The following TMEM132C variants were observed in gnomAD, a reference collection of about 807,000 sequenced individuals.
TMEM132C encodes protein phosphatase 1, regulatory subunit 152.
TMEM132C carries 29 observed loss-of-function variants against 61.4 expected under a neutral mutation model. That is an observed-to-expected ratio of 0.47 (90% CI 0.35 to 0.64). The LOEUF (loss-of-function observed/expected upper bound fraction) is 0.64. Among genes scored for constraint, TMEM132C ranks in the 30% least tolerant of loss-of-function variants. The pLI is 0.00. For synonymous variants in TMEM132C, 656 were observed against 633.1 expected (o/e 1.04, Z -0.54); for missense variants, 1,408 against 1,476.9 (o/e 0.95, Z 0.76).
intron 3 of TMEM132C, among the ~76,000 whole-genome samples, chr12:128,608,810 A>G (rs1305414362): frequency 6.6e-6 from 1 of 152,180 alleles, no homozygotes; most frequent in Non-Finnish European, 1.5e-5. Flanking sequence ...TTCAGCCAGG[A>G]TGGAGAGCCC....
intron 1 of TMEM132C, among the ~76,000 whole-genome samples, chr12:128,303,302 C>T (rs948558850): frequency 6.6e-6 from 1 of 152,214 alleles, no homozygotes; most frequent in African/African-American, 2.4e-5. Context: ...GTCTTCAGCA[C>T]TGTCTCAGGT....
At chr12:128,444,620 T>A (rs1193639620) in intron 2 of TMEM132C, among the ~76,000 whole-genome samples, 2 of 152,094 alleles carry the variant, frequency 1.3e-5, no homozygotes, top group Non-Finnish European at 2.9e-5. Flanking sequence ...TAAACTCTGG[T>A]TTTCAAGTCG....
At position 128,589,861 on chromosome 12, in the gene TMEM132C, C is replaced by G. The variant is rs982135323; in HGVS notation, c.1122-26291C>G. Among the ~76,000 whole-genome samples the G allele has an allele frequency of 2.6e-5, 4 of 152,140 alleles. No homozygotes were observed. In the South Asian group the frequency reaches 8.3e-4, roughly 32 times the overall value. On this transcript the variant is annotated intron_variant, in intron 3 of 8. Coordinates refer to ENST00000435159, the MANE Select transcript of TMEM132C (RefSeq NM_001136103.3). ...GTAAAGTGGGAATAAAGCGTACTTA[C>G]CTCCCGGGGTTATTATGAGTACTAA...
intron 4 of TMEM132C, among the ~76,000 whole-genome samples, chr12:128,647,744 C>A (rs1372428420): frequency 1.3e-5 from 2 of 150,410 alleles, no homozygotes; most frequent in Admixed American, 1.3e-4. Context: ...TCACTAGATC[C>A]CATCAGCGTT....
rs1593118245 is a variant in TMEM132C, at chr12:128,607,456, G to A, written c.1122-8696G>A. 2.0e-5 allele frequency among the ~76,000 whole-genome samples: 3 copies of A among 152,280 alleles called. No homozygotes were observed. The South Asian group carries it at 6.2e-4, about 32-fold the overall frequency. On this transcript the variant is annotated intron_variant, in intron 3 of 8. Coordinates refer to ENST00000435159, the MANE Select transcript of TMEM132C (RefSeq NM_001136103.3). ...TATTCTGGTTGCTGCATTGAGGAGA[G>A]AGGTAGGGGAAGTAGGGGGTTAGGG... is the stretch of plus-strand genomic sequence containing the variant.
At chr12:128,663,706 CGT>C (rs1224592454) in intron 4 of TMEM132C, among the ~76,000 whole-genome samples, 1 of 132,114 alleles carries the variant, frequency 7.6e-6, no homozygotes, top group Non-Finnish European at 1.5e-5. Flanking sequence ...TGCATGTATG[CGT>C]GTGTGTATGT....
intron 2 of TMEM132C, among the ~76,000 whole-genome samples, chr12:128,475,381 T>G (rs1871124160): frequency 6.6e-6 from 1 of 152,110 alleles, no homozygotes; most frequent in South Asian, 2.1e-4. Flanking sequence ...GAGAACAGAT[T>G]AGCAGTTGCA....
At chr12:128,687,201 C>CAA (rs55934804) in intron 5 of TMEM132C, among the ~76,000 whole-genome samples, 10,830 of 114,324 alleles carry the variant, frequency 0.095, 843 homozygotes, top group East Asian at 0.17. Flanking sequence ...GACTCTGTCT[C>CAA]AAAAAAAAAA....
chr12:128,620,293 A>G lies in TMEM132C; in HGVS notation c.1305+3958A>G, dbSNP rs868757797. On this transcript the variant is annotated intron_variant, in intron 4 of 8. Coordinates refer to ENST00000435159, the MANE Select transcript of TMEM132C (RefSeq NM_001136103.3). ...AGCAGAATTCATTCAACCTCACACT[A>G]AGCTCTGCAGGTATTCATTGCTGCA... 5.4e-4 allele frequency among the ~76,000 whole-genome samples: 82 copies of G among 152,012 alleles called. 1 individual carries two copies. The highest frequency in any genetic ancestry group is 3.4e-3 in the Middle Eastern group (1 of 292).
intron 3 of TMEM132C, among the ~76,000 whole-genome samples, chr12:128,564,313 TTG>T (rs1874624889): frequency 1.3e-5 from 2 of 152,194 alleles, no homozygotes. Flanking sequence ...CACAACACCT[TTG>T]TGTTGAGAAA....
At chr12:128,602,172 G>T (rs1162429533) in intron 3 of TMEM132C, among the ~76,000 whole-genome samples, 1 of 152,212 alleles carries the variant, frequency 6.6e-6, no homozygotes, top group Non-Finnish European at 1.5e-5. Flanking sequence ...TGGCACCAGT[G>T]TGCTGCAGCC....
At chr12:128,508,087 A>G (rs889241913) in intron 2 of TMEM132C, among the ~76,000 whole-genome samples, 9 of 152,148 alleles carry the variant, frequency 5.9e-5, no homozygotes, top group African/African-American at 1.9e-4. Flanking sequence ...CATGCGGCTG[A>G]TGAAGACATA....
At chr12:128,522,784 T>C (rs1005848249) in intron 2 of TMEM132C, among the ~76,000 whole-genome samples, 11 of 152,184 alleles carry the variant, frequency 7.2e-5, no homozygotes, top group Non-Finnish European at 8.8e-5. Context: ...TTATTAGCAT[T>C]GATGCCGAAG....
chr12:128,402,865 A>AT (rs1164477616), intron 1 of TMEM132C, among the ~76,000 whole-genome samples: 1 of 152,174 alleles, frequency 6.6e-6, no homozygotes, highest in East Asian at 1.9e-4. Context: ...GACTCTGAAG[A>AT]TTTTAGAGCA....
intron 1 of TMEM132C, among the ~76,000 whole-genome samples, chr12:128,295,508 C>T (rs1016239599): frequency 8.6e-5 from 13 of 151,918 alleles, no homozygotes; most frequent in Admixed American, 1.3e-4. Flanking sequence ...CGCCTTGAAA[C>T]TGTGATGTCC....
At chr12:128,309,897 G>A (rs1383261942) in intron 1 of TMEM132C, among the ~76,000 whole-genome samples, 1 of 151,870 alleles carries the variant, frequency 6.6e-6, no homozygotes, top group African/African-American at 2.4e-5. Context: ...CACCATGCCT[G>A]GCTAATTTTT....
intron 1 of TMEM132C, among the ~76,000 whole-genome samples, chr12:128,370,172 G>GC (rs1216458859): frequency 2.6e-5 from 4 of 152,136 alleles, no homozygotes; most frequent in Non-Finnish European, 5.9e-5. Flanking sequence ...TGGCCAGCAA[G>GC]CCCCCTGCCA....
chr12:128,474,743 G>A (rs1244390293), intron 2 of TMEM132C, among the ~76,000 whole-genome samples: 2 of 152,058 alleles, frequency 1.3e-5, no homozygotes, highest in African/African-American at 2.4e-5. Flanking sequence ...TATGAATTCT[G>A]GAATTATGAA....
chr12:128,588,525 T>A (rs1280520095), intron 3 of TMEM132C, among the ~76,000 whole-genome samples: 1 of 152,224 alleles, frequency 6.6e-6, no homozygotes, highest in Non-Finnish European at 1.5e-5. Flanking sequence ...AGTCTTTTAG[T>A]TGGGAATCGC....
Sources: gnomAD v4.1 joint callset for allele counts (sites outside exome capture counted in the v4.1 genomes callset) on GRCh38, gnomAD v4.1.1 for gene constraint, MANE v1.5 for transcripts, NCBI Gene and HGNC (gene_info 2026-07-23, HGNC 2026-07-21) for gene names.